ADAMTSL1: variants seen among roughly 807,000 people sequenced by gnomAD.
ADAMTSL1 encodes ADAMTS-like protein 1.
In ADAMTSL1, 126 loss-of-function variants were observed where a neutral mutation model predicts 201.8. That is an observed-to-expected ratio of 0.62 (90% confidence interval 0.54 to 0.72). The LOEUF (loss-of-function observed/expected upper bound fraction) is 0.72. Among genes scored for constraint, ADAMTSL1 ranks in the 30% least tolerant of loss-of-function variants. The pLI, the probability that ADAMTSL1 is intolerant of heterozygous loss-of-function variation, is 0.00. For synonymous variants in ADAMTSL1, 1,121 were observed against 903.4 expected (o/e 1.24, Z -4.32); for missense variants, 2,679 against 2,277.8 (o/e 1.18, Z -3.59).
chr9:18,275,620 T>A (rs1224776268), intron 2 of ADAMTSL1, among the ~76,000 whole-genome samples: 14 of 152,168 alleles, frequency 9.2e-5, no homozygotes, highest in African/African-American at 1.2e-4. Context: ...TAATATATAA[T>A]GTATTACGTC....
intron 4 of ADAMTSL1, among the ~76,000 whole-genome samples, chr9:18,584,425 T>C (rs774596025): frequency 9.2e-5 from 14 of 152,118 alleles, no homozygotes; most frequent in Non-Finnish European, 1.6e-4. Context: ...TGTAAATTGC[T>C]CAGTCTCAGG....
At position 18,452,239 on chromosome 9, in the gene ADAMTSL1, C is replaced by T. The variant is rs1243596707; in HGVS notation, c.208-52590C>T. Among the ~76,000 whole-genome samples, 6 of 152,268 alleles carry T rather than the reference C, an allele frequency of 3.9e-5. No homozygotes were observed. The East Asian group carries it at 9.7e-4, about 25-fold the overall frequency. On this transcript the variant is annotated intron_variant, in intron 2 of 29. Coordinates refer to the ADAMTSL1 transcript ENST00000680146. Reference sequence around the variant, plus strand: ...CAAGCTCCCATTTATAACAAATTTACTCTCAAGATAATGAGCCCACTTTTA... The same window carrying T: ...CAAGCTCCCATTTATAACAAATTTATTCTCAAGATAATGAGCCCACTTTTA...
chr9:17,927,349 C>T (rs143088341), intron 1 of ADAMTSL1, among the ~76,000 whole-genome samples: 1,826 of 151,838 alleles, frequency 0.012, 13 homozygotes, highest in Non-Finnish European at 0.019. Flanking sequence ...CATATATGTA[C>T]ATGTACATAT....
chr9:18,357,685 T>C (rs1005891035), intron 2 of ADAMTSL1, among the ~76,000 whole-genome samples: 7 of 152,168 alleles, frequency 4.6e-5, no homozygotes, highest in Admixed American at 2.6e-4. Flanking sequence ...TAGTCAAATA[T>C]AGTGCCAAAA....
intron 4 of ADAMTSL1, among the ~76,000 whole-genome samples, chr9:18,594,862 T>C (rs546585046): frequency 6.6e-6 from 1 of 152,250 alleles, no homozygotes; most frequent in Non-Finnish European, 1.5e-5. Context: ...TTCTTGGTGC[T>C]TGTGAAAGAG....
At chr9:18,180,272 G>A (rs1049992677) in intron 2 of ADAMTSL1, among the ~76,000 whole-genome samples, 2 of 152,172 alleles carry the variant, frequency 1.3e-5, no homozygotes, top group Non-Finnish European at 2.9e-5. Flanking sequence ...GGTGGCTCAC[G>A]CCTGTAATCC....
At chr9:18,054,029 T>A (rs1822060079) in intron 1 of ADAMTSL1, among the ~76,000 whole-genome samples, 1 of 152,222 alleles carries the variant, frequency 6.6e-6, no homozygotes, top group South Asian at 2.1e-4. Flanking sequence ...CCTGTGCAGT[T>A]CTGGTTATAA....
At chr9:18,476,329 C>G (rs1317480449) in intron 1 of ADAMTSL1, among the ~76,000 whole-genome samples, 1 of 152,008 alleles carries the variant, frequency 6.6e-6, no homozygotes, top group African/African-American at 2.4e-5. Flanking sequence ...CATTTGAACC[C>G]AAAGGTCAAA....
chr9:18,532,150 T>G (rs1324323591), intron 2 of ADAMTSL1, among the ~76,000 whole-genome samples: 1 of 152,208 alleles, frequency 6.6e-6, no homozygotes, highest in Non-Finnish European at 1.5e-5. Context: ...AAGAGTATAG[T>G]ACTGTTTTTC....
chr9:18,725,029 C>G (rs747206908), intron 15 of ADAMTSL1, among the ~76,000 whole-genome samples: 13 of 152,088 alleles, frequency 8.5e-5, no homozygotes, highest in Non-Finnish European at 1.8e-4. Context: ...GCTTCAGCCT[C>G]CCAAGTAGCT....
intron 19 of ADAMTSL1, among the ~76,000 whole-genome samples, chr9:18,788,704 C>A (rs1821852256): frequency 6.6e-6 from 1 of 152,084 alleles, no homozygotes; most frequent in South Asian, 2.1e-4. Context: ...AGAAAAATAC[C>A]CATTTTAGGA....
chr9:18,773,086 G>C lies in ADAMTSL1; in HGVS notation c.2397+2305G>C, dbSNP rs568826842. ...TGACCATTCCCCTGGCCGTCTGGCT[G>C]AGATGAGATGTGCATGCCACACCTC... On this transcript the variant is annotated intron_variant, in intron 17 of 28. Coordinates refer to ENST00000380548, the MANE Select transcript of ADAMTSL1 (RefSeq NM_001040272.6). 1.1e-4 allele frequency among the ~76,000 whole-genome samples: 17 copies of C among 152,312 alleles called. No homozygotes were observed. The South Asian group carries it at 3.3e-3, about 30-fold the overall frequency.
intron 22 of ADAMTSL1, 64 bp downstream of exon 22, chr9:18,826,527 T>C: frequency 6.5e-7 from 1 of 1,537,728 alleles, no homozygotes; most frequent in Non-Finnish European, 8.8e-7. Flanking sequence ...TAACCCACCC[T>C]CTACCTCCTT....
chr9:18,085,574 TAC>T (rs1406064312), intron 1 of ADAMTSL1, among the ~76,000 whole-genome samples: 3 of 150,614 alleles, frequency 2.0e-5, no homozygotes, highest in Non-Finnish European at 4.4e-5. Context: ...TATACATATA[TAC>T]ACACTGTGTG....
intron 1 of ADAMTSL1, among the ~76,000 whole-genome samples, chr9:17,971,731 G>C (rs1210639458): frequency 1.3e-5 from 2 of 151,702 alleles, no homozygotes; most frequent in East Asian, 3.9e-4. Flanking sequence ...TAGTTCTTCT[G>C]CCTGTACACT....
At chr9:18,214,108 CTT>C (rs1829981365) in intron 2 of ADAMTSL1, among the ~76,000 whole-genome samples, 1 of 152,178 alleles carries the variant, frequency 6.6e-6, no homozygotes, top group Non-Finnish European at 1.5e-5. Flanking sequence ...AAAGTCAACT[CTT>C]AGTGATCTGT....
chr9:18,613,014 A>G, intron 4 of ADAMTSL1, among the ~76,000 whole-genome samples: 1 of 152,208 alleles, frequency 6.6e-6, no homozygotes, highest in Admixed American at 6.5e-5. Context: ...AAACAAATTT[A>G]TAAGAAAAAA....
At chr9:18,765,706 C>A (rs1178179749) in intron 16 of ADAMTSL1, among the ~76,000 whole-genome samples, 1 of 152,126 alleles carries the variant, frequency 6.6e-6, no homozygotes, top group Non-Finnish European at 1.5e-5. Context: ...TAATGATATA[C>A]TGGGGAAAAG....
intron 3 of ADAMTSL1, among the ~76,000 whole-genome samples, chr9:18,563,882 A>G (rs1821703483): frequency 1.3e-5 from 2 of 152,186 alleles, no homozygotes; most frequent in South Asian, 4.1e-4. Flanking sequence ...CCAGCATTTC[A>G]GGTCGACTTC....
Sources: gnomAD v4.1 joint callset for allele counts (sites outside exome capture counted in the v4.1 genomes callset) on GRCh38, gnomAD v4.1.1 for gene constraint, MANE v1.5 for transcripts, NCBI Gene and HGNC (gene_info 2026-07-23, HGNC 2026-07-21) for gene names.